The following PRKACB variants were observed in gnomAD, a reference collection of about 807,000 sequenced individuals.
The protein encoded by PRKACB is cAMP-dependent protein kinase catalytic subunit beta.
Under a neutral mutation model 51.4 loss-of-function variants are expected in PRKACB, and 16 were observed. The observed-to-expected ratio is 0.31, with a 90% CI of 0.21 to 0.47. The LOEUF is 0.47. Among genes scored for constraint, PRKACB ranks in the 20% least tolerant of loss-of-function variants. The pLI, the probability that PRKACB is intolerant of heterozygous loss-of-function variation, is 1.00. For synonymous variants in PRKACB, 147 were observed against 154.4 expected (o/e 0.95, Z 0.35); for missense variants, 309 against 464.5 (o/e 0.67, Z 3.08).
At chr1:84,109,774 A>G (rs1650065810) in intron 1 of PRKACB, among the ~76,000 whole-genome samples, 1 of 151,800 alleles carries the variant, frequency 6.6e-6, no homozygotes, top group Admixed American at 6.6e-5. Flanking sequence ...GCTAATTTTT[A>G]TATTGGTAAT....
intron 5 of PRKACB, among the ~76,000 whole-genome samples, chr1:84,188,877 G>A (rs934365139): frequency 5.3e-5 from 8 of 151,866 alleles, no homozygotes; most frequent in African/African-American, 1.9e-4. Context: ...GGTCAAAACG[G>A]AGTAACAGGT....
chr1:84,158,461 T>G (rs535373671), intron 1 of PRKACB, among the ~76,000 whole-genome samples: 1 of 152,210 alleles, frequency 6.6e-6, no homozygotes, highest in African/African-American at 2.4e-5. Flanking sequence ...AACCCATTTG[T>G]GTATGTACTT....
chr1:84,125,720 AGTT>A (rs1651527676), intron 1 of PRKACB, among the ~76,000 whole-genome samples: 3 of 152,228 alleles, frequency 2.0e-5, no homozygotes. Flanking sequence ...AGTATAAACT[AGTT>A]GTTAACAGAT....
At chr1:84,078,137 C>G, upstream of PRKACB, 2 of 563,446 alleles carry the variant, frequency 3.5e-6, no homozygotes, top group South Asian at 3.1e-5. Context: ...GCTGCCGGTG[C>G]TAAGGAGTTC....
chr1:84,163,205 TC>T (rs1441050664), intron 1 of PRKACB, among the ~76,000 whole-genome samples: 6 of 152,128 alleles, frequency 3.9e-5, no homozygotes, highest in Admixed American at 1.3e-4. Context: ...AGTTCGGAAG[TC>T]TGTACCAGCT....
chr1:84,221,937 G>C (rs1673789723), intron 9 of PRKACB, among the ~76,000 whole-genome samples: 1 of 152,034 alleles, frequency 6.6e-6, no homozygotes, highest in Admixed American at 6.6e-5. Flanking sequence ...ATGTCTCCTA[G>C]GTACATTTTG....
In PRKACB at chr1:84,118,387, C is replaced by A. The variant is rs974630103; in HGVS notation, c.46+40016C>A. Among the ~76,000 whole-genome samples the A allele has an allele frequency of 2.6e-5, 4 of 152,022 alleles. No homozygotes were observed. In the East Asian group the frequency reaches 7.7e-4, roughly 29 times the overall value. ...ACATCTCTAGTCAGCCATCTTGTAC[C>A]AAAATCCCATTATTTGTAATTTTCT... On this transcript the variant is annotated intron_variant, in intron 1 of 8. Coordinates refer to the PRKACB transcript ENST00000370688.
intron 9 of PRKACB, among the ~76,000 whole-genome samples, chr1:84,230,282 A>G (rs1675401208): frequency 6.6e-6 from 1 of 151,834 alleles, no homozygotes; most frequent in Non-Finnish European, 1.5e-5. Flanking sequence ...GTTCTGTTCC[A>G]TTGATCTATA....
intron 7 of PRKACB, among the ~76,000 whole-genome samples, chr1:84,201,760 C>T (rs1015412307): frequency 6.6e-6 from 1 of 151,940 alleles, no homozygotes; most frequent in Non-Finnish European, 1.5e-5. Flanking sequence ...TAGAATTCAG[C>T]TTATTTCTCT....
chr1:84,235,049 A>G (rs956300073), intron 9 of PRKACB, 131 bp from the exon 10 acceptor site: 1 of 954,758 alleles, frequency 1.0e-6, no homozygotes, highest in African/African-American at 1.7e-5. Context: ...GCACTATTAT[A>G]TTTTAGGAAC....
intron 9 of PRKACB, among the ~76,000 whole-genome samples, chr1:84,223,654 C>T (rs1674110804): frequency 6.6e-6 from 1 of 152,156 alleles, no homozygotes; most frequent in African/African-American, 2.4e-5. Context: ...CAAGCGTGAG[C>T]CACCATGCCC....
intron 9 of PRKACB, among the ~76,000 whole-genome samples, chr1:84,221,686 A>G (rs1050339819): frequency 1.2e-4 from 19 of 152,090 alleles, no homozygotes; most frequent in Middle Eastern, 3.4e-3. Flanking sequence ...CATTAGCCCA[A>G]TAGTCATTCG....
At chr1:84,210,305 C>T (rs1671939663) in intron 8 of PRKACB, among the ~76,000 whole-genome samples, 1 of 152,120 alleles carries the variant, frequency 6.6e-6, no homozygotes, top group African/African-American at 2.4e-5. Context: ...ATATCACAAA[C>T]ACCTCTTTTA....
intron 1 of PRKACB, among the ~76,000 whole-genome samples, chr1:84,116,532 G>C (rs942528603): frequency 1.3e-5 from 2 of 152,060 alleles, no homozygotes; most frequent in African/African-American, 4.8e-5. Flanking sequence ...TAAATGCAGA[G>C]CTCTTTCACC....
chr1:84,213,306 G>C (rs866414769), intron 8 of PRKACB, among the ~76,000 whole-genome samples: 2 of 152,084 alleles, frequency 1.3e-5, no homozygotes, highest in African/African-American at 4.8e-5. Context: ...TTCATCCTTT[G>C]GTGGTACCCA....
chr1:84,118,001 G>T (rs1185647130), intron 1 of PRKACB, among the ~76,000 whole-genome samples: 1 of 152,170 alleles, frequency 6.6e-6, no homozygotes, highest in Non-Finnish European at 1.5e-5. Context: ...TGGAGTGAGT[G>T]AGCCAGCATG....
In PRKACB at chr1:84,173,422, T is replaced by G. The variant is rs574093465; in HGVS notation, c.188-5755T>G. 1.6e-5 allele frequency: 20 copies of G among 1,257,894 alleles called. No individual in the cohort carries two copies. In the South Asian group the frequency reaches 2.6e-4, roughly 16 times the overall value. 77.9% of individuals were successfully genotyped at this position (1,257,894 alleles called of 1,614,324 possible). A position where few individuals can be genotyped will look rare whatever the true frequency, so the allele number is the denominator to read the frequency against. On this transcript the variant is annotated intron_variant, in intron 1 of 9. Coordinates refer to ENST00000370685, the MANE Select transcript of PRKACB (RefSeq NM_182948.4). ...TATCGTAAGCTAAATTTTTATGAGA[T>G]ATTTTGTGGCAATTAGAATATTTTG...
chr1:84,231,734 G>A (rs985618172), intron 9 of PRKACB, among the ~76,000 whole-genome samples: 2 of 151,964 alleles, frequency 1.3e-5, no homozygotes, highest in South Asian at 2.1e-4. Flanking sequence ...ATTCTCTGAT[G>A]GTAGTTTGTA....
chr1:84,119,039 C>T (rs1028591160), intron 1 of PRKACB, among the ~76,000 whole-genome samples: 8 of 152,104 alleles, frequency 5.3e-5, no homozygotes, highest in African/African-American at 1.9e-4. Flanking sequence ...AGCATTTAGG[C>T]ATTGCAGTAT....
Sources: gnomAD v4.1 joint callset for allele counts (sites outside exome capture counted in the v4.1 genomes callset) on GRCh38, gnomAD v4.1.1 for gene constraint, MANE v1.5 for transcripts, NCBI Gene and HGNC (gene_info 2026-07-23, HGNC 2026-07-21) for gene names.